PTPN3: variants seen among roughly 807,000 people sequenced by gnomAD.
PTPN3 encodes protein tyrosine phosphatase non-receptor type 3.
In PTPN3, 96 loss-of-function variants were observed where a neutral mutation model predicts 132.7. The observed-to-expected ratio is 0.72, with a 90% CI of 0.61 to 0.86. PTPN3 has a LOEUF of 0.86. Ranked by LOEUF, PTPN3 falls within the 40% of genes least tolerant of loss-of-function variation. PTPN3 has a pLI of 0.00. For synonymous variants in PTPN3, 398 were observed against 429.0 expected, an observed-to-expected ratio of 0.93 and a Z score of 0.89; for missense variants, 1,125 against 1,159.6, an observed-to-expected ratio of 0.97 and a Z score of 0.43.
intron 19 of PTPN3, among the ~76,000 whole-genome samples, chr9:109,403,826 T>C (rs1256366699): frequency 5.3e-5 from 8 of 152,228 alleles, no homozygotes; most frequent in Non-Finnish European, 1.0e-4. Context: ...ATAAAAAATG[T>C]CTGTGTGTAC....
chr9:109,453,671 C>A (rs754168288), intron 5 of PTPN3, among the ~76,000 whole-genome samples: 12 of 152,138 alleles, frequency 7.9e-5, no homozygotes, highest in Admixed American at 2.0e-4. Context: ...CTGAATCCAG[C>A]CTGCTCTCCT....
the PTPN3 span, among the ~76,000 whole-genome samples, chr9:109,524,878 C>T: frequency 6.6e-6 from 1 of 152,156 alleles, no homozygotes; most frequent in East Asian, 1.9e-4. Flanking sequence ...GCTGGAACTA[C>T]AGGCATGCAC....
At chr9:109,508,959 C>T in the PTPN3 span, among the ~76,000 whole-genome samples, 19 of 151,988 alleles carry the variant, frequency 1.3e-4, no homozygotes, top group African/African-American at 3.4e-4. Context: ...TTTGGGAGGT[C>T]GAGGTGGGAG....
intron 1 of PTPN3, among the ~76,000 whole-genome samples, chr9:109,471,874 C>T (rs977470932): frequency 5.3e-5 from 8 of 152,288 alleles, no homozygotes; most frequent in East Asian, 1.9e-4. Context: ...GAGAGCCACA[C>T]GGTGGAAAAT....
At chr9:109,499,426 C>G (rs568345305), upstream of PTPN3, among the ~76,000 whole-genome samples, 20 of 152,104 alleles carry the variant, frequency 1.3e-4, no homozygotes, top group Admixed American at 7.2e-4. Flanking sequence ...GCTTAGGGAA[C>G]GGCAAGGAGG....
intron 1 of PTPN3, among the ~76,000 whole-genome samples, chr9:109,492,032 T>C (rs1847485104): frequency 6.6e-6 from 1 of 152,324 alleles, no homozygotes; most frequent in South Asian, 2.1e-4. Context: ...GCATCATGCA[T>C]AATTTTTCTT....
At chr9:109,380,217 CT>C (rs1838933912) in intron 25 of PTPN3, among the ~76,000 whole-genome samples, 1 of 103,774 alleles carries the variant, frequency 9.6e-6, no homozygotes, top group South Asian at 3.4e-4. Flanking sequence ...CTAGGAAAAT[CT>C]ATCTATCTAT....
At chr9:109,434,605 A>C (rs1843896674) in intron 9 of PTPN3, among the ~76,000 whole-genome samples, 1 of 152,100 alleles carries the variant, frequency 6.6e-6, no homozygotes, top group Admixed American at 6.6e-5. Flanking sequence ...ACTATGCTTG[A>C]CCCAGATACT....
chr9:109,412,538 TA>T (rs1842167746), intron 14 of PTPN3, among the ~76,000 whole-genome samples: 1 of 152,186 alleles, frequency 6.6e-6, no homozygotes. Context: ...CACACCCGGC[TA>T]ATTTTTTATA....
At chr9:109,396,491 G>A (rs1043792073) in intron 19 of PTPN3, among the ~76,000 whole-genome samples, 1 of 152,156 alleles carries the variant, frequency 6.6e-6, no homozygotes, top group Non-Finnish European at 1.5e-5. Flanking sequence ...CTTAGATTCT[G>A]TCCTAGAATG....
chr9:109,470,150 G>A (rs974594496), intron 1 of PTPN3, among the ~76,000 whole-genome samples: 1 of 151,940 alleles, frequency 6.6e-6, no homozygotes. Context: ...CCTAGACAAT[G>A]ATTCATCAAA....
rs758216422 is a variant in PTPN3, at chr9:109,408,277, GAAAC to G, written c.1635+40_1635+43del. On this transcript the variant is annotated intron_variant, in intron 17 of 25. Coordinates refer to ENST00000374541, the MANE Select transcript of PTPN3 (RefSeq NM_002829.4). ...AACAGAAACCTGTTAGAATTAGGGG[GAAAC>G]AAACAAACACGAGGAATAACATGGA... The G allele has an allele frequency of 3.2e-5, 47 of 1,446,578 alleles. No homozygotes were observed. The Middle Eastern group carries it at 5.4e-4, about 17-fold the overall frequency. The allele number at this position is 1,446,578 out of a possible 1,614,324, so 89.6% of individuals were successfully genotyped here. A position where few individuals can be genotyped will look rare whatever the true frequency, so the allele number is the denominator to read the frequency against.
chr9:109,533,439 C>T, the PTPN3 span: 2,295 of 1,428,302 alleles, frequency 1.6e-3, 32 homozygotes, highest in African/African-American at 0.029. Context: ...AGCCACCGCA[C>T]CTGGCCGGTT....
chr9:109,379,701 G>A (rs1470852163), intron 25 of PTPN3, 68 bp from the exon 26 acceptor site: 24 of 1,343,612 alleles, frequency 1.8e-5, no homozygotes, highest in South Asian at 2.4e-5. Context: ...ACCCTGTACC[G>A]GTGGGTCTTT....
At chr9:109,434,656 C>T (rs532794095) in intron 9 of PTPN3, among the ~76,000 whole-genome samples, 7 of 152,210 alleles carry the variant, frequency 4.6e-5, no homozygotes, top group Non-Finnish European at 1.0e-4. Flanking sequence ...TCAGTCACAA[C>T]TGAGTGTGAA....
At chr9:109,406,295 T>C (rs1347064986) in intron 18 of PTPN3, among the ~76,000 whole-genome samples, 167 bp downstream of exon 18, 2 of 151,918 alleles carry the variant, frequency 1.3e-5, no homozygotes, top group African/African-American at 4.8e-5. Flanking sequence ...GGGCAGATCT[T>C]CACATTTTTC....
chr9:109,482,319 G>A (rs534340256), intron 1 of PTPN3, among the ~76,000 whole-genome samples: 11 of 152,218 alleles, frequency 7.2e-5, no homozygotes, highest in South Asian at 4.2e-4. Context: ...AATTTCGGAC[G>A]GCCAGTTAAG....
chr9:109,409,888 A>T, intron 16 of PTPN3, 111 bp downstream of exon 16: 1 of 1,453,094 alleles, frequency 6.9e-7, no homozygotes, highest in Non-Finnish European at 9.1e-7. Context: ...CTGAGGGTTG[A>T]ACCAACTTCC....
At chr9:109,432,797 C>T (rs550827967) in intron 10 of PTPN3, among the ~76,000 whole-genome samples, 1 of 152,300 alleles carries the variant, frequency 6.6e-6, no homozygotes, top group African/African-American at 2.4e-5. Context: ...GGAAAAATTC[C>T]TTAATGCCAA....
Sources: allele counts gnomAD v4.1 joint callset (sites outside exome capture counted in the v4.1 genomes callset), GRCh38; gene constraint gnomAD v4.1.1; transcripts MANE v1.5; gene names NCBI Gene and HGNC (gene_info 2026-07-23, HGNC 2026-07-21).